SOCS6: variants seen among roughly 807,000 people sequenced by gnomAD.
SOCS6 encodes suppressor of cytokine signaling 6.
SOCS6 carries 5 observed loss-of-function variants against 27.7 expected under a neutral mutation model. The observed-to-expected ratio is 0.18, with a 90% CI of 0.09 to 0.38. The LOEUF is 0.38. Among genes scored for constraint, SOCS6 ranks in the 10% least tolerant of loss-of-function variants. The probability of loss-of-function intolerance (pLI) is 1.00; values close to 1 mark genes in which losing one functional copy is unlikely to be tolerated. For missense variants in SOCS6, 595 were observed against 688.1 expected, an observed-to-expected ratio of 0.86 and a Z score of 1.51; for synonymous variants, 271 against 260.0, an observed-to-expected ratio of 1.04 and a Z score of -0.41.
chr18:70,308,613 C>T (rs529472951), intron 1 of SOCS6, among the ~76,000 whole-genome samples: 6 of 152,234 alleles, frequency 3.9e-5, no homozygotes, highest in Non-Finnish European at 7.4e-5. Flanking sequence ...GTATTATATA[C>T]CTTGCTATTT....
At chr18:70,322,951 T>C (rs909295931) in intron 1 of SOCS6, among the ~76,000 whole-genome samples, 1 of 152,220 alleles carries the variant, frequency 6.6e-6, no homozygotes, top group Admixed American at 6.5e-5. Flanking sequence ...GGGTTGATAC[T>C]ACAGTTTATC....
intron 1 of SOCS6, among the ~76,000 whole-genome samples, chr18:70,290,504 AT>A (rs1035128851): frequency 6.6e-6 from 1 of 152,128 alleles, no homozygotes; most frequent in African/African-American, 2.4e-5. Flanking sequence ...GGGCTTTCTA[AT>A]TTCTCCTCCT....
chr18:70,326,034 G>T lies in SOCS6; in HGVS notation c.1366G>T (p.Asp456Tyr), dbSNP rs1469609439. Residue 456 changes from aspartate (D) to tyrosine (Y), a missense_variant, in exon 2 of 2, where the codon GAT becomes TAT. Coordinates refer to ENST00000397942, the MANE Select transcript of SOCS6 (RefSeq NM_004232.4). ...TGTGGAAGGACATACGTCCATAGTT[G>T]ATCTAATTGAGCATTCAATCAGGGA... ...PDVEGHTSIVDLIEHSIRDSE... is the reference protein window; with the variant it reads ...PDVEGHTSIVYLIEHSIRDSE... The T allele has an allele frequency of 3.1e-6, 5 of 1,614,072 alleles. No homozygotes were observed. The African/African-American group carries it at 6.7e-5, about 22-fold the overall frequency.
At chr18:70,308,058 A>AT (rs1347919352) in intron 1 of SOCS6, among the ~76,000 whole-genome samples, 4 of 152,120 alleles carry the variant, frequency 2.6e-5, no homozygotes, top group South Asian at 2.1e-4. Flanking sequence ...TTTCCTTGTG[A>AT]TTTTTTAGTC....
At position 70,324,844 on chromosome 18, in the gene SOCS6, A is replaced by G. The variant is rs777982483; in HGVS notation, c.176A>G (p.Glu59Gly). The change falls in exon 2 of 2, where the codon GAA (glutamate) becomes GGA (glycine). Residue 59 changes from glutamate (E) to glycine (G), a missense_variant. Physicochemically the swap from Glu to Gly is moderately conservative, Grantham distance 98 (BLOSUM62 -2). Transcript: ENST00000397942. ...ATGGCCAGCTGCGATATCAACGGTGAAGATGAAAAAGGCGGAAAAAACAGA... is the reference window on the plus strand; with the variant it reads ...ATGGCCAGCTGCGATATCAACGGTGGAGATGAAAAAGGCGGAAAAAACAGA... ...KDMASCDING[E>G]DEKGGKNRSK... 6.2e-7 allele frequency: 1 copy of G among 1,614,198 alleles called. No individual in the cohort carries two copies. The highest frequency in any genetic ancestry group is 1.1e-5 in the South Asian group (1 of 91,076).
intron 1 of SOCS6, among the ~76,000 whole-genome samples, chr18:70,321,357 G>A (rs947708506): frequency 1.1e-4 from 8 of 74,482 alleles, no homozygotes; most frequent in African/African-American, 1.6e-4. Flanking sequence ...TTTCGCTCTT[G>A]TTGCCCAGGC....
intron 1 of SOCS6, among the ~76,000 whole-genome samples, chr18:70,296,441 G>A (rs2146261758): frequency 6.6e-6 from 1 of 152,302 alleles, no homozygotes; most frequent in Non-Finnish European, 1.5e-5. Context: ...GTTCCTGTCT[G>A]TTGTCCCCAT....
At chr18:70,290,984 G>A (rs1050345562) in intron 1 of SOCS6, among the ~76,000 whole-genome samples, 17 of 152,220 alleles carry the variant, frequency 1.1e-4, no homozygotes, top group African/African-American at 3.4e-4. Flanking sequence ...TTGACTGGGC[G>A]TAGGGTGGAA....
intron 1 of SOCS6, among the ~76,000 whole-genome samples, chr18:70,319,613 A>T (rs1482912119): frequency 6.2e-5 from 6 of 96,420 alleles, no homozygotes; most frequent in African/African-American, 3.5e-4. Flanking sequence ...TTCAGTAAAA[A>T]AAAAAAAAAA....
intron 1 of SOCS6, chr18:70,296,741 A>T (rs933440490): frequency 2.0e-5 from 3 of 152,172 alleles, no homozygotes; most frequent in African/African-American, 7.2e-5. Context: ...TATTGCCTAA[A>T]TACTAACATT....
In SOCS6 at chr18:70,327,576, CTAA is replaced by C. The variant is rs956671263; in HGVS notation, c.*1305_*1307del. ...CTAAGTCTTAAGTAATTTGCCGTTG[CTAA>C]TAATTTTATCTCCTTGAGTCGGTTG... On this transcript the variant is annotated 3_prime_UTR_variant, in exon 2 of 2. Coordinates refer to ENST00000397942, the MANE Select transcript of SOCS6 (RefSeq NM_004232.4). The C allele has an allele frequency of 1.2e-5, 2 of 166,822 alleles. No homozygotes were observed. The highest frequency in any genetic ancestry group is 4.8e-5 in the African/African-American group (2 of 41,398). The allele number at this position is 166,822 out of a possible 1,614,324, so 10.3% of individuals were successfully genotyped here.
rs552761141 is a variant in SOCS6 at position 70,320,926 on chromosome 18, A to C, written c.-126-3617A>C. On this transcript the variant is annotated intron_variant, in intron 1 of 1. Coordinates refer to ENST00000397942, the MANE Select transcript of SOCS6 (RefSeq NM_004232.4). ...ACCACTTTCACTGATTTTTATTATC[A>C]TTCATGAAAATGTTATTTATGTTAA... 3.9e-5 allele frequency among the ~76,000 whole-genome samples: 6 copies of C among 152,340 alleles called. No individual in the cohort carries two copies. In the South Asian group the frequency reaches 1.2e-3, roughly 32 times the overall value.
rs2146306714 is a variant in SOCS6 at position 70,329,358 on chromosome 18, GAAAC to G, written c.*3086_*3089del. ...AAAAGGCTAAATCATTGGCATAAAG[GAAAC>G]AAAACCCAAAGTATGCGTTGTAATT... On this transcript the variant is annotated 3_prime_UTR_variant, in exon 2 of 2. Transcript: ENST00000397942. 6.0e-6 allele frequency: 1 copy of G among 166,978 alleles called. No individual in the cohort carries two copies. Among genetic ancestry groups the G allele is most frequent in the East Asian group, 1.9e-4 (1 of 5,198 alleles). 10.3% of individuals were successfully genotyped at this position (166,978 alleles called of 1,614,324 possible). A position where few individuals can be genotyped will look rare whatever the true frequency, so the allele number is the denominator to read the frequency against.
chr18:70,301,862 T>C (rs1182619340), intron 1 of SOCS6, among the ~76,000 whole-genome samples: 1 of 152,068 alleles, frequency 6.6e-6, no homozygotes, highest in Non-Finnish European at 1.5e-5. Context: ...AAAGGAGTGG[T>C]CAGTGGTCAC....
chr18:70,314,176 A>C (rs961127156), intron 1 of SOCS6: 1 of 152,168 alleles, frequency 6.6e-6, no homozygotes, highest in African/African-American at 2.4e-5. Flanking sequence ...GAATCGCTTG[A>C]ACCCGGGAGT....
At chr18:70,319,032 A>G (rs1273960041) in intron 1 of SOCS6, among the ~76,000 whole-genome samples, 2 of 152,210 alleles carry the variant, frequency 1.3e-5, no homozygotes, top group Non-Finnish European at 2.9e-5. Flanking sequence ...ATTTATATGT[A>G]TTGGTATAAC....
At chr18:70,293,367 G>T (rs1457435149) in intron 1 of SOCS6, among the ~76,000 whole-genome samples, 2 of 152,006 alleles carry the variant, frequency 1.3e-5, no homozygotes, top group East Asian at 3.9e-4. Flanking sequence ...AACTGTCACT[G>T]CCTGTAGAGC....
Position 70,325,287 on chromosome 18 carries a change from G to A in SOCS6, c.619G>A (p.Glu207Lys). The A allele has an allele frequency of 6.2e-7, 1 of 1,614,224 alleles. No homozygotes were observed. Among genetic ancestry groups the A allele is most frequent in the Non-Finnish European group, 8.5e-7 (1 of 1,180,040 alleles). Residue 207 changes from glutamate to lysine, a missense_variant, in exon 2 of 2, where the codon GAA becomes AAA. Glu to Lys is a moderately conservative substitution (Grantham distance 56, BLOSUM62 1). This residue lies in a region of SOCS6 where 467 missense variants were observed against 481.1 expected (regional missense o/e 0.97). Coordinates refer to ENST00000397942, the MANE Select transcript of SOCS6 (RefSeq NM_004232.4). This position sits in a 1 kb window ranked among gnomAD's most constrained non-coding sequence, Gnocchi z 6.3. The part of the protein sequence containing the change: ...HNGDLHLHLD[E>K]HVPVVIGLMP... ...TGGAGACCTGCATCTTCACCTGGATGAACATGTGCCTGTCGTTATTGGACT... is the reference window on the plus strand; with the variant it reads ...TGGAGACCTGCATCTTCACCTGGATAAACATGTGCCTGTCGTTATTGGACT...
At chr18:70,316,130 A>G (rs2062410437) in intron 1 of SOCS6, among the ~76,000 whole-genome samples, 2 of 152,342 alleles carry the variant, frequency 1.3e-5, no homozygotes, top group South Asian at 4.1e-4. Context: ...GATTACAGGC[A>G]TGAGCCACCT....
Sources: gnomAD v4.1 joint callset for allele counts (sites outside exome capture counted in the v4.1 genomes callset) on GRCh38, gnomAD v4.1.1 for gene constraint, gnomAD v4.1.1 regional missense constraint, Gnocchi (gnomAD v3.1) non-coding constraint, MANE v1.5 for transcripts, NCBI Gene and HGNC (gene_info 2026-07-23, HGNC 2026-07-21) for gene names.